DHX29: variants seen among roughly 807,000 people sequenced by gnomAD.
The protein encoded by DHX29 is DExH-box helicase 29, also known as ATP-dependent RNA helicase DHX29.
A neutral mutation model predicts 167.9 loss-of-function variants in DHX29; 79 were observed. The ratio of observed to expected loss-of-function variants is 0.47; its 90% confidence interval spans 0.39 to 0.57. The LOEUF is 0.57. Among genes scored for constraint, DHX29 ranks in the 20% least tolerant of loss-of-function variants. The probability of loss-of-function intolerance (pLI) is 0.00; values close to 1 mark genes in which losing one functional copy is unlikely to be tolerated. For missense variants in DHX29, 1,347 were observed against 1,593.4 expected (o/e 0.85, Z 2.63); for synonymous variants, 530 against 546.0 (o/e 0.97, Z 0.41).
intron 16 of DHX29, among the ~76,000 whole-genome samples, chr5:55,273,846 G>A (rs1363096751): frequency 4.6e-5 from 7 of 152,070 alleles, no homozygotes; most frequent in African/African-American, 1.7e-4. Flanking sequence ...CAGCACTTTG[G>A]GAGGCTGAGA....
At chr5:55,262,570 G>C in intron 24 of DHX29, 60 bp downstream of exon 24, 1 of 1,567,852 alleles carries the variant, frequency 6.4e-7, no homozygotes, top group Non-Finnish European at 8.7e-7. Flanking sequence ...ATCCTAACTT[G>C]TTATGAATGA....
chr5:55,295,299 C>A lies in DHX29; in HGVS notation c.651+80G>T. 2.8e-6 allele frequency: 3 copies of A among 1,071,704 alleles called. No homozygotes were observed. In the South Asian group the frequency reaches 4.6e-5, roughly 17 times the overall value. 66.4% of individuals were successfully genotyped at this position (1,071,704 alleles called of 1,614,324 possible). A position where few individuals can be genotyped will look rare whatever the true frequency, so the allele number is the denominator to read the frequency against. ...TAAGAAGTAAAAATGTTATAGAAAC[C>A]TAATATTTATACTCTTTGAACTGTT... On this transcript the variant is annotated intron_variant, in intron 5 of 26. Transcript: ENST00000251636.
intron 12 of DHX29, among the ~76,000 whole-genome samples, chr5:55,280,349 G>A (rs1214475157): frequency 6.6e-6 from 1 of 152,068 alleles, no homozygotes; most frequent in Non-Finnish European, 1.5e-5. Flanking sequence ...CAATTTTCTG[G>A]TAATAATTTG....
chr5:55,274,290 C>A (rs1746997656), intron 16 of DHX29, among the ~76,000 whole-genome samples: 1 of 151,892 alleles, frequency 6.6e-6, no homozygotes, highest in Admixed American at 6.6e-5. Context: ...CCCAGCTGCT[C>A]AGGAGGCTGA....
intron 12 of DHX29, chr5:55,279,617 C>T (rs1282356152): frequency 6.6e-6 from 1 of 152,668 alleles, no homozygotes; most frequent in African/African-American, 2.4e-5. Flanking sequence ...AAGCAATCCT[C>T]CACCTCAGCC....
At chr5:55,277,032 G>A (rs1437888667) in intron 13 of DHX29, 74 bp downstream of exon 13, 3 of 1,081,108 alleles carry the variant, frequency 2.8e-6, no homozygotes, top group Non-Finnish European at 4.1e-6. Flanking sequence ...CTGACTACAA[G>A]TGCCCATCTT....
chr5:55,303,360 T>C (rs1748702671), intron 1 of DHX29, among the ~76,000 whole-genome samples: 1 of 152,156 alleles, frequency 6.6e-6, no homozygotes, highest in Non-Finnish European at 1.5e-5. Flanking sequence ...CCTGTCCTCA[T>C]GGAGCTTATA....
At chr5:55,295,654 T>C (rs975576745) in intron 4 of DHX29, 130 bp from the exon 5 acceptor site, 2 of 853,478 alleles carry the variant, frequency 2.3e-6, no homozygotes, top group African/African-American at 1.7e-5. Context: ...CCTCATCTCC[T>C]AAGAATAGAA....
At position 55,307,649 on chromosome 5, in the gene DHX29, T is replaced by TC; in HGVS notation, c.-77dup. 1 of 1,546,450 alleles carries TC rather than the reference T, an allele frequency of 6.5e-7. No individual in the cohort carries two copies. Among genetic ancestry groups the TC allele is most frequent in the Non-Finnish European group, 8.8e-7 (1 of 1,142,506 alleles). Reference sequence around the variant, plus strand: ...CTGCACAGCCGAGAGCTCTTCACATTCCCCGGCTCCGGGGCTGCCACCCTG... The same window carrying TC: ...CTGCACAGCCGAGAGCTCTTCACATTCCCCCGGCTCCGGGGCTGCCACCCTG... On this transcript the variant is annotated 5_prime_UTR_variant, in exon 1 of 27. Coordinates refer to ENST00000251636, the MANE Select transcript of DHX29 (RefSeq NM_019030.4).
intron 6 of DHX29, among the ~76,000 whole-genome samples, chr5:55,293,381 T>A (rs1748146663): frequency 6.6e-6 from 1 of 152,228 alleles, no homozygotes; most frequent in South Asian, 2.1e-4. Flanking sequence ...ATTTTACATT[T>A]CCATTAGCTT....
At chr5:55,301,040 G>A (rs189463454) in intron 1 of DHX29, among the ~76,000 whole-genome samples, 160 of 152,206 alleles carry the variant, frequency 1.1e-3, no homozygotes, top group African/African-American at 3.7e-3. Flanking sequence ...GAGCTCTCTT[G>A]GGTATCTCAT....
chr5:55,264,291 TA>T (rs1386133964), intron 23 of DHX29, among the ~76,000 whole-genome samples: 1 of 152,190 alleles, frequency 6.6e-6, no homozygotes, highest in Non-Finnish European at 1.5e-5. Context: ...TTCCCAGAAA[TA>T]AATCTACTCC....
chr5:55,300,158 GC>G (rs1248683483), intron 1 of DHX29, among the ~76,000 whole-genome samples: 1 of 151,684 alleles, frequency 6.6e-6, no homozygotes, highest in Non-Finnish European at 1.5e-5. Flanking sequence ...GATCTCTTGA[GC>G]CCAGGAGTTT....
intron 12 of DHX29, among the ~76,000 whole-genome samples, chr5:55,280,257 G>A (rs965309818): frequency 1.3e-5 from 2 of 152,064 alleles, no homozygotes; most frequent in African/African-American, 4.8e-5. Context: ...GTCTACAAAT[G>A]GCTAATACAA....
rs1434339279 is a variant in DHX29, at chr5:55,304,918, C to T, written c.187+2469G>A. On this transcript the variant is annotated intron_variant, in intron 1 of 26. Transcript: ENST00000251636. ...TTTTCTCCAAAATAGGTTTATTGTA[C>T]GTTATACTATATATTAAAAGCACCC... 3.3e-5 allele frequency among the ~76,000 whole-genome samples: 5 copies of T among 152,202 alleles called. 1 individual carries two copies. Among genetic ancestry groups the T allele is most frequent in the African/African-American group, 7.2e-5 (3 of 41,518 alleles).
chr5:55,290,384 A>G, intron 6 of DHX29, 40 bp from the exon 7 acceptor site: 1 of 1,554,358 alleles, frequency 6.4e-7, no homozygotes, highest in South Asian at 1.2e-5. Flanking sequence ...AAAAAAAAAG[A>G]AGAGCAAGAT....
chr5:55,286,821 A>G (rs988858336), intron 8 of DHX29, among the ~76,000 whole-genome samples: 1 of 152,226 alleles, frequency 6.6e-6, no homozygotes, highest in Non-Finnish European at 1.5e-5. Context: ...GAACATTTCC[A>G]TCATTGAAAA....
At chr5:55,270,199 T>C (rs1196394144) in intron 20 of DHX29, among the ~76,000 whole-genome samples, 1 of 152,066 alleles carries the variant, frequency 6.6e-6, no homozygotes, top group Non-Finnish European at 1.5e-5. Context: ...CTAGTCTAGA[T>C]TATGAGGCTG....
In DHX29 at chr5:55,272,154, C is replaced by T; in HGVS notation, c.2797G>A (p.Ala933Thr). 1 of 1,579,948 alleles carries T rather than the reference C, an allele frequency of 6.3e-7. No homozygotes were observed. The highest frequency in any genetic ancestry group is 8.6e-7 in the Non-Finnish European group (1 of 1,165,434). Residue 933 changes from alanine (A) to threonine (T), a missense_variant, in exon 18 of 27, where the codon GCA (alanine) becomes ACA (threonine). Ala to Thr is a moderately conservative substitution (Grantham distance 58). Transcript: ENST00000251636. ...VRKIVLATNI[A>T]ETGITIPDVV... ...TCAGGAATAGTGATACCCGTCTCTG[C>T]AATATTGGTTGCTAAAACAATCTGA...
Sources: gnomAD v4.1 joint callset for allele counts (sites outside exome capture counted in the v4.1 genomes callset) on GRCh38, gnomAD v4.1.1 for gene constraint, MANE v1.5 for transcripts, NCBI Gene and HGNC (gene_info 2026-07-23, HGNC 2026-07-21) for gene names.